The following ZRANB1 variants were observed in gnomAD, a reference collection of about 807,000 sequenced individuals.
ZRANB1 encodes zinc finger RANBP2-type containing 1, also known as ubiquitin thioesterase ZRANB1.
ZRANB1 carries 16 observed loss-of-function variants against 80.5 expected under a neutral mutation model. The ratio of observed to expected loss-of-function variants is 0.20; its 90% CI spans 0.13 to 0.30. The LOEUF is 0.30. Ranked by LOEUF, ZRANB1 falls within the 10% of genes least tolerant of loss-of-function variation. The probability of loss-of-function intolerance (pLI) is 1.00; values close to 1 mark genes in which losing one functional copy is unlikely to be tolerated. For synonymous variants in ZRANB1, 291 were observed against 293.1 expected (o/e 0.99, Z 0.07); for missense variants, 576 against 862.6 (o/e 0.67, Z 4.16).
At chr10:124,943,560 CAA>C (rs1225696675) in intron 1 of ZRANB1, among the ~76,000 whole-genome samples, 1 of 151,856 alleles carries the variant, frequency 6.6e-6, no homozygotes, top group Non-Finnish European at 1.5e-5. Context: ...TATATATGCG[CAA>C]AGTCACTAGC....
At chr10:124,932,845 G>A in the ZRANB1 span, among the ~76,000 whole-genome samples, 2 of 152,120 alleles carry the variant, frequency 1.3e-5, no homozygotes, top group Non-Finnish European at 2.9e-5. Flanking sequence ...TTATAGGCGC[G>A]AGCCACCCCC....
rs199614287 is a variant in ZRANB1 at position 124,966,680 on chromosome 10, C to G, written c.901C>G (p.Arg301Gly). The G allele has an allele frequency of 2.5e-6, 4 of 1,614,154 alleles. No individual in the cohort carries two copies. In the East Asian group the frequency reaches 8.9e-5, roughly 36 times the overall value. The change falls in exon 2 of 9, where the codon CGC becomes GGC. Residue 301 changes from arginine (R) to glycine (G), a missense_variant. By Grantham distance (125) the Arg-to-Gly change is moderately radical. Coordinates refer to ENST00000359653, the MANE Select transcript of ZRANB1 (RefSeq NM_017580.3). ...IARQLTADEV[R>G]LLNRPSAFDV... Reference sequence around the variant, plus strand: ...ACGTCAGCTCACCGCAGATGAAGTACGCTTGCTGAATCGTCCTTCTGCCTT... The same window carrying G: ...ACGTCAGCTCACCGCAGATGAAGTAGGCTTGCTGAATCGTCCTTCTGCCTT...
At chr10:124,977,558 A>G (rs1048103998) in intron 5 of ZRANB1, among the ~76,000 whole-genome samples, 12 of 151,906 alleles carry the variant, frequency 7.9e-5, no homozygotes, top group African/African-American at 2.9e-4. Flanking sequence ...AAAAAATACA[A>G]AATTTAGCCA....
chr10:124,966,687 T>G lies in ZRANB1; in HGVS notation c.908T>G (p.Leu303Arg). 6.2e-7 allele frequency: 1 copy of G among 1,614,210 alleles called. No individual in the cohort carries two copies. The highest frequency in any genetic ancestry group is 8.5e-7 in the Non-Finnish European group (1 of 1,180,014). Residue 303 changes from leucine to arginine, a missense_variant, in exon 2 of 9, where the codon CTG (leucine) becomes CGG (arginine). Around this residue, in one of 3 missense-constraint regions of ZRANB1, gnomAD observed 411 missense variants for 583.1 expected, o/e 0.70. Transcript: ENST00000359653. ...CTCACCGCAGATGAAGTACGCTTGC[T>G]GAATCGTCCTTCTGCCTTTGATGTT... ...RQLTADEVRL[L>R]NRPSAFDVGY...
At chr10:124,928,703 G>A in the ZRANB1 span, among the ~76,000 whole-genome samples, 3 of 152,200 alleles carry the variant, frequency 2.0e-5, no homozygotes, top group Non-Finnish European at 4.4e-5. Flanking sequence ...TTTGCTAATT[G>A]TGTTCTATTT....
chr10:124,966,228 C>T (rs1951774431), intron 1 of ZRANB1, among the ~76,000 whole-genome samples: 2 of 152,050 alleles, frequency 1.3e-5, no homozygotes, highest in African/African-American at 2.4e-5. Flanking sequence ...TTGGTTTCTG[C>T]AGAGTCAGGA....
At chr10:124,919,299 C>A in the ZRANB1 span, among the ~76,000 whole-genome samples, 1 of 152,158 alleles carries the variant, frequency 6.6e-6, no homozygotes, top group East Asian at 1.9e-4. Context: ...AATCCCAGCA[C>A]TTTGGGAGGT....
the ZRANB1 span, among the ~76,000 whole-genome samples, chr10:124,918,683 C>T: frequency 1.3e-5 from 2 of 152,264 alleles, no homozygotes; most frequent in African/African-American, 2.4e-5. Flanking sequence ...TGCCAAGGCT[C>T]TTGGGAAAGT....
chr10:124,962,309 G>A, intron 1 of ZRANB1: 1 of 877,940 alleles, frequency 1.1e-6, no homozygotes, highest in Non-Finnish European at 1.4e-6. Flanking sequence ...TGTGCCAGCC[G>A]ACTCCAGGTC....
intron 1 of ZRANB1, 76 bp downstream of exon 1, chr10:124,943,383 G>T (rs1042605935): frequency 1.4e-6 from 2 of 1,391,172 alleles, no homozygotes; most frequent in Admixed American, 2.1e-5. Context: ...AGCTGGGTGC[G>T]CTGACACACG....
At chr10:124,946,146 A>G (rs2134246962) in intron 1 of ZRANB1, among the ~76,000 whole-genome samples, 1 of 152,300 alleles carries the variant, frequency 6.6e-6, no homozygotes. Flanking sequence ...GGCCAGGCAC[A>G]GTGGCTCAGG....
At chr10:124,948,069 T>C (rs1287928069) in intron 1 of ZRANB1, among the ~76,000 whole-genome samples, 4 of 152,120 alleles carry the variant, frequency 2.6e-5, no homozygotes, top group African/African-American at 4.8e-5. Context: ...CGTCCACTTA[T>C]ACGTGAGTTT....
the ZRANB1 span, among the ~76,000 whole-genome samples, chr10:124,931,332 G>T: frequency 6.6e-6 from 1 of 151,868 alleles, no homozygotes; most frequent in Non-Finnish European, 1.5e-5. Flanking sequence ...TACAGCAGTG[G>T]TTCCTACTGC....
chr10:124,922,336 A>ATATATTTT, the ZRANB1 span, among the ~76,000 whole-genome samples: 2 of 44,774 alleles, frequency 4.5e-5, no homozygotes, highest in East Asian at 1.7e-3. Flanking sequence ...GTATATATAT[A>ATATATTTT]TTTTTTTTTT....
At chr10:124,960,022 G>T (rs1316077802) in intron 1 of ZRANB1, among the ~76,000 whole-genome samples, 2 of 152,168 alleles carry the variant, frequency 1.3e-5, no homozygotes, top group African/African-American at 4.8e-5. Flanking sequence ...TAGAAAGCCA[G>T]ATTTTTGGTT....
At chr10:124,969,265 G>A (rs1325865003) in intron 2 of ZRANB1, among the ~76,000 whole-genome samples, 3 of 152,190 alleles carry the variant, frequency 2.0e-5, no homozygotes, top group Admixed American at 2.0e-4. Flanking sequence ...GTATTCCGTG[G>A]GACGTGTAGA....
chr10:124,934,116 T>G, the ZRANB1 span, among the ~76,000 whole-genome samples: 2 of 152,234 alleles, frequency 1.3e-5, no homozygotes, highest in Non-Finnish European at 2.9e-5. Flanking sequence ...TTCGTTACAT[T>G]TTGAAGATTT....
chr10:124,918,352 G>A, the ZRANB1 span, among the ~76,000 whole-genome samples: 1 of 152,086 alleles, frequency 6.6e-6, no homozygotes, highest in South Asian at 2.1e-4. Flanking sequence ...CACCACGCCC[G>A]GCTAATTTTG....
the ZRANB1 span, among the ~76,000 whole-genome samples, chr10:124,919,822 A>G: frequency 2.0e-5 from 3 of 149,058 alleles, no homozygotes; most frequent in Admixed American, 2.0e-4. Flanking sequence ...CGTGTTAGCC[A>G]GGATGGTCTC....
Sources: gnomAD v4.1 joint callset for allele counts (sites outside exome capture counted in the v4.1 genomes callset) on GRCh38, gnomAD v4.1.1 for gene constraint, gnomAD v4.1.1 regional missense constraint, MANE v1.5 for transcripts, NCBI Gene and HGNC (gene_info 2026-07-23, HGNC 2026-07-21) for gene names.